PXDNL: variants seen among roughly 807,000 people sequenced by gnomAD.
PXDNL encodes the protein peroxidasin like, also known as probable oxidoreductase PXDNL.
A neutral mutation model predicts 150.8 loss-of-function variants in PXDNL; 145 were observed. The observed-to-expected ratio is 0.96, with a 90% confidence interval of 0.84 to 1.10. PXDNL has a LOEUF of 1.10. Among genes scored for constraint, PXDNL ranks in the 50% least tolerant of loss-of-function variants. The pLI, the probability that PXDNL is intolerant of heterozygous loss-of-function variation, is 0.00. For missense variants in PXDNL, 2,087 were observed against 1,873.9 expected, an observed-to-expected ratio of 1.11 and a Z score of -2.10; for synonymous variants, 757 against 725.7, an observed-to-expected ratio of 1.04 and a Z score of -0.69.
At chr8:51,392,889 T>G (rs915337226) in intron 17 of PXDNL, among the ~76,000 whole-genome samples, 1 of 152,132 alleles carries the variant, frequency 6.6e-6, no homozygotes, top group African/African-American at 2.4e-5. Flanking sequence ...GCATAAAAAT[T>G]AATATCAAAA....
chr8:51,430,525 AT>A (rs1312303057), intron 12 of PXDNL, among the ~76,000 whole-genome samples: 1 of 152,202 alleles, frequency 6.6e-6, no homozygotes, highest in Non-Finnish European at 1.5e-5. Flanking sequence ...GCAAGTTTGA[AT>A]CCTTCATTTG....
chr8:51,365,208 G>T (rs1806876937), intron 19 of PXDNL, among the ~76,000 whole-genome samples: 1 of 152,186 alleles, frequency 6.6e-6, no homozygotes, highest in African/African-American at 2.4e-5. Flanking sequence ...AAAGTGCTGG[G>T]ATTACAGGCT....
chr8:51,682,432 G>A (rs1371419046), intron 1 of PXDNL, among the ~76,000 whole-genome samples: 1 of 152,158 alleles, frequency 6.6e-6, no homozygotes. Flanking sequence ...TCTTTGAAGG[G>A]GGTGAGGGGC....
intron 2 of PXDNL, among the ~76,000 whole-genome samples, chr8:51,602,548 A>G (rs1394369091): frequency 2.0e-5 from 3 of 151,952 alleles, no homozygotes; most frequent in African/African-American, 4.8e-5. Context: ...TAAATATAGG[A>G]GTGACAAATT....
At chr8:51,801,431 G>A (rs924540049) in intron 1 of PXDNL, among the ~76,000 whole-genome samples, 1 of 151,446 alleles carries the variant, frequency 6.6e-6, no homozygotes, top group Admixed American at 6.6e-5. Context: ...TAAAGCTTGT[G>A]ATCTTTGTGA....
intron 3 of PXDNL, among the ~76,000 whole-genome samples, chr8:51,570,362 G>A (rs1812908441): frequency 6.6e-6 from 1 of 151,818 alleles, no homozygotes; most frequent in Non-Finnish European, 1.5e-5. Flanking sequence ...GAGCCATTAG[G>A]TTCGTCTTAG....
intron 19 of PXDNL, among the ~76,000 whole-genome samples, chr8:51,368,426 G>T (rs1233242374): frequency 6.6e-6 from 1 of 152,000 alleles, no homozygotes; most frequent in Non-Finnish European, 1.5e-5. Flanking sequence ...AGGAATTTAG[G>T]AGAAGAGTTT....
At chr8:51,602,732 A>C (rs1226858427) in intron 2 of PXDNL, among the ~76,000 whole-genome samples, 1 of 151,702 alleles carries the variant, frequency 6.6e-6, no homozygotes, top group East Asian at 1.9e-4. Flanking sequence ...TCAACTTATT[A>C]AAAACCCTTT....
intron 1 of PXDNL, among the ~76,000 whole-genome samples, chr8:51,724,456 G>A (rs1816787047): frequency 6.6e-6 from 1 of 152,046 alleles, no homozygotes; most frequent in Non-Finnish European, 1.5e-5. Flanking sequence ...TATCTGTTAT[G>A]TAAATTAGCT....
intron 17 of PXDNL, among the ~76,000 whole-genome samples, chr8:51,391,149 C>T (rs1189883339): frequency 1.3e-5 from 2 of 152,066 alleles, no homozygotes; most frequent in African/African-American, 2.4e-5. Flanking sequence ...CTATGTTGGA[C>T]ATTTGGGTTG....
chr8:51,626,786 T>C (rs1814368887), intron 2 of PXDNL, among the ~76,000 whole-genome samples: 1 of 152,184 alleles, frequency 6.6e-6, no homozygotes, highest in African/African-American at 2.4e-5. Context: ...AAAATATTAA[T>C]ATAACTTCAT....
chr8:51,402,247 G>A (rs1808273946), intron 17 of PXDNL, among the ~76,000 whole-genome samples: 1 of 152,194 alleles, frequency 6.6e-6, no homozygotes, highest in Admixed American at 6.5e-5. Context: ...AGCGGAGGCA[G>A]GGCTGGGCAC....
intron 1 of PXDNL, among the ~76,000 whole-genome samples, chr8:51,806,363 T>C (rs1042599415): frequency 8.5e-5 from 13 of 152,182 alleles, no homozygotes; most frequent in Middle Eastern, 3.2e-3. Flanking sequence ...ACAATAAACA[T>C]ACATAAGGGC....
chr8:51,721,667 C>A, intron 1 of PXDNL: 1 of 448,866 alleles, frequency 2.2e-6, no homozygotes, highest in South Asian at 1.8e-5. Flanking sequence ...GAAGTTGACT[C>A]AATTCACTTT....
intron 2 of PXDNL, among the ~76,000 whole-genome samples, chr8:51,622,671 G>A (rs1195958331): frequency 3.9e-5 from 6 of 152,210 alleles, no homozygotes; most frequent in Admixed American, 1.3e-4. Flanking sequence ...GGATAAGGAC[G>A]TAAGGGAAGC....
At chr8:51,448,485 A>G (rs1168543958) in intron 11 of PXDNL, among the ~76,000 whole-genome samples, 1 of 152,178 alleles carries the variant, frequency 6.6e-6, no homozygotes, top group Non-Finnish European at 1.5e-5. Flanking sequence ...CGGGCGGATC[A>G]CGAGATCAGC....
chr8:51,682,927 C>G (rs866198537), intron 1 of PXDNL, among the ~76,000 whole-genome samples: 3 of 151,900 alleles, frequency 2.0e-5, no homozygotes, highest in African/African-American at 7.3e-5. Context: ...TTCCCAGGTG[C>G]TGCCAATCCT....
rs1013062753 is a variant in PXDNL at position 51,608,706 on chromosome 8, G to A, written c.237-16008C>T. Among the ~76,000 whole-genome samples the A allele has an allele frequency of 1.3e-4, 20 of 151,194 alleles. No homozygotes were observed. The East Asian group carries it at 3.5e-3, about 27-fold the overall frequency. On this transcript the variant is annotated intron_variant, in intron 2 of 22. Coordinates refer to ENST00000356297, the MANE Select transcript of PXDNL (RefSeq NM_144651.5). Reference sequence around the variant, plus strand: ...CAAAAAATTAGCCGGGCGTGGTGGTGGGTGCCTGTAGTCCCAGCTGCTCGG... The same window carrying A: ...CAAAAAATTAGCCGGGCGTGGTGGTAGGTGCCTGTAGTCCCAGCTGCTCGG...
intron 1 of PXDNL, among the ~76,000 whole-genome samples, chr8:51,715,605 G>A (rs923478621): frequency 6.6e-6 from 1 of 152,122 alleles, no homozygotes; most frequent in Non-Finnish European, 1.5e-5. Flanking sequence ...GCGGCAGAAC[G>A]TAACAAAAGA....
Sources: allele counts gnomAD v4.1 joint callset (sites outside exome capture counted in the v4.1 genomes callset), GRCh38; gene constraint gnomAD v4.1.1; transcripts MANE v1.5; gene names NCBI Gene and HGNC (gene_info 2026-07-23, HGNC 2026-07-21).